MORC1: variants seen among roughly 807,000 people sequenced by gnomAD.
MORC1 encodes MORC family CW-type zinc finger 1.
Under a neutral mutation model 134.9 loss-of-function variants are expected in MORC1, and 59 were observed. The ratio of observed to expected loss-of-function variants is 0.44; its 90% CI spans 0.35 to 0.54. The LOEUF is 0.54. Among genes scored for constraint, MORC1 ranks in the 20% least tolerant of loss-of-function variants. The pLI is 0.00. For synonymous variants in MORC1, 395 were observed against 391.7 expected, an observed-to-expected ratio of 1.01 and a Z score of -0.10; for missense variants, 947 against 1,134.5, an observed-to-expected ratio of 0.83 and a Z score of 2.37.
intron 21 of MORC1, among the ~76,000 whole-genome samples, chr3:108,998,691 A>T (rs1006902767): frequency 6.6e-6 from 1 of 152,188 alleles, no homozygotes; most frequent in African/African-American, 2.4e-5. Flanking sequence ...TTTGAGGAGC[A>T]ATTATTTCCT....
At chr3:109,057,815 C>T (rs1478466279) in intron 12 of MORC1, among the ~76,000 whole-genome samples, 1 of 152,122 alleles carries the variant, frequency 6.6e-6, no homozygotes, top group Non-Finnish European at 1.5e-5. Flanking sequence ...AAAATGATGA[C>T]TTGGCTATTT....
intron 24 of MORC1, among the ~76,000 whole-genome samples, chr3:108,976,056 T>TTTATTTCAAAGATG (rs1947544276): frequency 6.6e-6 from 1 of 152,220 alleles, no homozygotes; most frequent in South Asian, 2.1e-4. Context: ...AAGATGTTAC[T>TTTATTTCAAAGATG]TTATTTGGGA....
At chr3:109,102,117 G>T (rs574920004) in intron 4 of MORC1, among the ~76,000 whole-genome samples, 5 of 152,262 alleles carry the variant, frequency 3.3e-5, no homozygotes, top group African/African-American at 1.2e-4. Context: ...CAAAACCAGG[G>T]TAATGCGATA....
At chr3:109,054,972 T>C (rs1949923149) in intron 13 of MORC1, 90 bp from the exon 14 acceptor site, 4 of 1,222,994 alleles carry the variant, frequency 3.3e-6, no homozygotes, top group South Asian at 2.9e-5. Context: ...ATTTTTTTTT[T>C]CAAAAATAAA....
intron 21 of MORC1, among the ~76,000 whole-genome samples, chr3:108,987,221 T>C (rs1576599680): frequency 6.6e-6 from 1 of 152,292 alleles, no homozygotes; most frequent in Admixed American, 6.5e-5. Flanking sequence ...TGTGCAGATA[T>C]TTTAAAAATT....
intron 17 of MORC1, 131 bp downstream of exon 17, chr3:109,027,620 A>G (rs963217351): frequency 8.2e-5 from 104 of 1,261,738 alleles, no homozygotes; most frequent in Middle Eastern, 2.2e-4. Context: ...TCCAAAATTA[A>G]AAGATGTCAA....
chr3:109,094,640 C>T (rs1345747252), intron 7 of MORC1, among the ~76,000 whole-genome samples: 1 of 151,952 alleles, frequency 6.6e-6, no homozygotes, highest in African/African-American at 2.4e-5. Flanking sequence ...CTGTGGAGTC[C>T]CTGTGGTCAT....
intron 24 of MORC1, among the ~76,000 whole-genome samples, chr3:108,972,669 A>G (rs754814358): frequency 6.6e-6 from 1 of 152,198 alleles, no homozygotes; most frequent in Admixed American, 6.5e-5. Context: ...GTTCCTGGGA[A>G]AGAACACCTG....
chr3:108,970,604 C>T (rs565981467), intron 25 of MORC1, among the ~76,000 whole-genome samples: 75 of 152,304 alleles, frequency 4.9e-4, no homozygotes, highest in African/African-American at 1.7e-3. Flanking sequence ...ATAATTTGTG[C>T]TATTTTCACC....
chr3:108,965,744 G>A (rs1288578915), intron 26 of MORC1, among the ~76,000 whole-genome samples: 1 of 152,090 alleles, frequency 6.6e-6, no homozygotes, highest in African/African-American at 2.4e-5. Flanking sequence ...ACCGGGTGAT[G>A]AGTACACAGG....
At chr3:109,022,258 C>T (rs1197646331) in intron 17 of MORC1, among the ~76,000 whole-genome samples, 1 of 152,108 alleles carries the variant, frequency 6.6e-6, no homozygotes, top group Admixed American at 6.5e-5. Context: ...GATTTGAAAC[C>T]TCAGCAGCCT....
At chr3:109,056,360 T>G (rs760594343) in intron 13 of MORC1, among the ~76,000 whole-genome samples, 69 of 152,186 alleles carry the variant, frequency 4.5e-4, no homozygotes, top group Non-Finnish European at 8.1e-4. Context: ...CCCGAGTAGC[T>G]GAGACCACAG....
At chr3:108,975,382 T>TTGG (rs1559864888) in intron 24 of MORC1, among the ~76,000 whole-genome samples, 2 of 152,212 alleles carry the variant, frequency 1.3e-5, no homozygotes, top group African/African-American at 4.8e-5. Context: ...TACTTTCTTT[T>TTGG]TAAAACTTTT....
At chr3:109,100,294 C>A in intron 5 of MORC1, 123 bp downstream of exon 5, 3 of 745,020 alleles carry the variant, frequency 4.0e-6, no homozygotes, top group Non-Finnish European at 2.2e-6. Flanking sequence ...AAGTAGGTCA[C>A]CCCTGCCTCA....
chr3:109,012,662 T>C (rs1219654732), intron 17 of MORC1, among the ~76,000 whole-genome samples: 1 of 152,214 alleles, frequency 6.6e-6, no homozygotes, highest in Non-Finnish European at 1.5e-5. Context: ...GTAGTTCATA[T>C]ATTTTAATGC....
chr3:109,024,230 T>C (rs1461989195), intron 17 of MORC1, among the ~76,000 whole-genome samples: 1 of 152,222 alleles, frequency 6.6e-6, no homozygotes, highest in Non-Finnish European at 1.5e-5. Context: ...GCGAGAAATA[T>C]GGTGCTGGAA....
intron 6 of MORC1, among the ~76,000 whole-genome samples, 183 bp downstream of exon 6, chr3:109,099,175 G>A (rs1950880242): frequency 6.6e-6 from 1 of 152,168 alleles, no homozygotes; most frequent in African/African-American, 2.4e-5. Context: ...TCTCAGGAAA[G>A]GGTCAAGAGG....
intron 26 of MORC1, 50 bp downstream of exon 26, chr3:108,969,619 G>A (rs201189606): frequency 4.3e-5 from 65 of 1,516,924 alleles, no homozygotes; most frequent in African/African-American, 4.1e-4. Flanking sequence ...TTATCCTTTC[G>A]AACACAGGAT....
At position 109,018,085 on chromosome 3, in the gene MORC1, A is replaced by G. The variant is rs73202751; in HGVS notation, c.1704+9666T>C. ...TTCTTGTTTAGTCCGTCTGGTGTAGATCTCAGGAGTGAATATTTCTATAAA... is the reference window on the plus strand; with the variant it reads ...TTCTTGTTTAGTCCGTCTGGTGTAGGTCTCAGGAGTGAATATTTCTATAAA... On this transcript the variant is annotated intron_variant, in intron 17 of 27. Coordinates refer to ENST00000232603, the MANE Select transcript of MORC1 (RefSeq NM_014429.4). Among the ~76,000 whole-genome samples, 13 of 152,262 alleles carry G rather than the reference A, an allele frequency of 8.5e-5. No homozygotes were observed. The East Asian group carries it at 2.1e-3, about 25-fold the overall frequency.
Sources: gnomAD v4.1 joint callset for allele counts (sites outside exome capture counted in the v4.1 genomes callset) on GRCh38, gnomAD v4.1.1 for gene constraint, MANE v1.5 for transcripts, NCBI Gene and HGNC (gene_info 2026-07-23, HGNC 2026-07-21) for gene names.